Variants in HPSE observed in about 807,000 individuals in gnomAD.
HPSE encodes the protein endo-glucoronidase.
Under a neutral mutation model 65.1 loss-of-function variants are expected in HPSE, and 48 were observed. The ratio of observed to expected loss-of-function variants is 0.74; its 90% confidence interval spans 0.58 to 0.94. The LOEUF (loss-of-function observed/expected upper bound fraction) is 0.94, where lower values mean the gene tolerates loss of function less well. HPSE is among the 40% of genes least tolerant of loss of function. The pLI, the probability that HPSE is intolerant of heterozygous loss-of-function variation, is 0.00. For synonymous variants in HPSE, 243 were observed against 260.0 expected, an observed-to-expected ratio of 0.93 and a Z score of 0.63; for missense variants, 644 against 637.5, an observed-to-expected ratio of 1.01 and a Z score of -0.11.
At chr4:83,300,891 A>G (rs1293900970) in intron 11 of HPSE, 69 bp downstream of exon 11, 1 of 1,019,952 alleles carries the variant, frequency 9.8e-7, no homozygotes, top group Non-Finnish European at 1.4e-6. Context: ...CTCCCTGTCC[A>G]AACTCTCTAT....
chr4:83,311,224 G>T (rs1324292958), intron 4 of HPSE, among the ~76,000 whole-genome samples: 1 of 152,090 alleles, frequency 6.6e-6, no homozygotes, highest in Non-Finnish European at 1.5e-5. Context: ...AGGATCACTT[G>T]AGCCCAGAAG....
At chr4:83,323,655 A>G (rs1035746167) in intron 1 of HPSE, among the ~76,000 whole-genome samples, 4 of 152,182 alleles carry the variant, frequency 2.6e-5, no homozygotes, top group Non-Finnish European at 5.9e-5. Flanking sequence ...CCACCAAGGA[A>G]AATCATTCTT....
chr4:83,300,926 T>A, intron 11 of HPSE, 34 bp downstream of exon 11: 2 of 1,464,854 alleles, frequency 1.4e-6, no homozygotes, highest in South Asian at 1.3e-5. Flanking sequence ...ATAAATTTAT[T>A]GAAAGTTTGG....
chr4:83,334,970 T>C, upstream of HPSE: 1 of 925,988 alleles, frequency 1.1e-6, no homozygotes, highest in Non-Finnish European at 1.5e-6. Flanking sequence ...CTGCTCCCAA[T>C]CCAACCCCGC....
At chr4:83,312,634 C>T (rs558921712) in intron 4 of HPSE, among the ~76,000 whole-genome samples, 65 of 140,012 alleles carry the variant, frequency 4.6e-4, no homozygotes, top group Admixed American at 8.3e-4. Flanking sequence ...GCCGAGATGG[C>T]GCCACTGCAC....
At chr4:83,316,799 C>T (rs781248817) in intron 3 of HPSE, among the ~76,000 whole-genome samples, 2 of 152,232 alleles carry the variant, frequency 1.3e-5, no homozygotes, top group African/African-American at 2.4e-5. Context: ...TCATCTTCTA[C>T]TTAAGTGGAA....
At chr4:83,306,148 T>A in intron 9 of HPSE, 55 bp downstream of exon 9, 1 of 1,003,338 alleles carries the variant, frequency 1.0e-6, no homozygotes, top group Non-Finnish European at 1.6e-6. Flanking sequence ...ACACCAGAGG[T>A]CCTGAGTTGA....
chr4:83,320,343 T>C (rs920595509), intron 2 of HPSE, among the ~76,000 whole-genome samples: 3 of 152,138 alleles, frequency 2.0e-5, no homozygotes, highest in Non-Finnish European at 4.4e-5. Context: ...GGCAGATGGA[T>C]AGCTTGAGCT....
intron 7 of HPSE, 78 bp from the exon 8 acceptor site, chr4:83,309,029 G>T: frequency 8.9e-7 from 1 of 1,126,960 alleles, no homozygotes; most frequent in Non-Finnish European, 1.3e-6. Flanking sequence ...AAGATTAACA[G>T]CATTCAAAAC....
intron 1 of HPSE, among the ~76,000 whole-genome samples, chr4:83,328,736 T>A (rs1472451404): frequency 6.7e-6 from 1 of 149,868 alleles, no homozygotes; most frequent in Non-Finnish European, 1.5e-5. Context: ...GAGGAGGTAA[T>A]TGAGATGGGA....
intron 8 of HPSE, among the ~76,000 whole-genome samples, chr4:83,308,268 T>C (rs1467007808): frequency 6.6e-6 from 1 of 152,088 alleles, no homozygotes; most frequent in Admixed American, 6.6e-5. Context: ...ATTAGCCCAG[T>C]GCGGTGATAC....
Position 83,302,223 on chromosome 4 carries a change from C to A in HPSE, c.1252G>T (p.Val418Leu). 6.2e-7 allele frequency: 1 copy of A among 1,613,954 alleles called. No individual in the cohort carries two copies. Among genetic ancestry groups the A allele is most frequent in the Non-Finnish European group, 8.5e-7 (1 of 1,179,900 alleles). ...LLFKKLVGTK[V>L]LMASVQGSKR... is the part of the protein sequence containing the mutation. ...GAACCTTGCACGCTTGCCATTAACA[C>A]CTTGGTGCCCACCAATTTCTTGAAC... The change falls in exon 10 of 12, where the codon GTG (valine) becomes TTG (leucine). Residue 418 changes from valine to leucine, a missense_variant. Physicochemically the swap from Val to Leu is conservative, Grantham distance 32 (BLOSUM62 1). Transcript: ENST00000311412.
At chr4:83,334,926 C>G, upstream of HPSE, 1 of 1,301,958 alleles carries the variant, frequency 7.7e-7, no homozygotes. Context: ...ACTGCGCCCT[C>G]CATCCCTCCC....
At chr4:83,295,615 C>A in intron 11 of HPSE, 112 bp from the exon 12 acceptor site, 2 of 718,816 alleles carry the variant, frequency 2.8e-6, no homozygotes, top group Non-Finnish European at 4.4e-6. Flanking sequence ...TTGTGGCAGC[C>A]TATATTATAT....
Position 83,310,076 on chromosome 4 carries a change from A to G in HPSE, c.845T>C (p.Phe282Ser), listed in dbSNP as rs1173281242. Reference protein sequence around the residue: ...RRKTAKMLKSFLKAGGEVIDS... With the variant: ...RRKTAKMLKSSLKAGGEVIDS... ...AATCACTTCTCCACCAGCCTTCAGGAAGCTAGAAAAAAAATTTTATTATCA... is the reference window on the plus strand; with the variant it reads ...AATCACTTCTCCACCAGCCTTCAGGGAGCTAGAAAAAAAATTTTATTATCA... Residue 282 changes from phenylalanine (F) to serine (S), a missense_variant and splice_region_variant, in exon 6 of 12, where the codon TTC (phenylalanine) becomes TCC (serine). Phe to Ser is a radical substitution (Grantham distance 155). Transcript: ENST00000311412. 1 of 1,608,608 alleles carries G rather than the reference A, an allele frequency of 6.2e-7. No individual in the cohort carries two copies. The highest frequency in any genetic ancestry group is 8.5e-7 in the Non-Finnish European group (1 of 1,175,902).
intron 3 of HPSE, 128 bp downstream of exon 3, chr4:83,319,216 T>G: frequency 2.2e-6 from 2 of 922,388 alleles, no homozygotes; most frequent in Non-Finnish European, 3.3e-6. Flanking sequence ...GGATTTCCCA[T>G]TTGGGAAATG....
intron 11 of HPSE, among the ~76,000 whole-genome samples, chr4:83,299,310 G>T (rs992217969): frequency 7.3e-6 from 1 of 137,498 alleles, no homozygotes; most frequent in African/African-American, 2.7e-5. Context: ...GTTGCAGTGA[G>T]CCTAGATCAT....
chr4:83,308,663 C>G (rs1736242527), intron 8 of HPSE, among the ~76,000 whole-genome samples, 182 bp downstream of exon 8: 1 of 152,214 alleles, frequency 6.6e-6, no homozygotes, highest in Non-Finnish European at 1.5e-5. Flanking sequence ...ATTTGGAACA[C>G]TTGTTAAAGA....
intron 1 of HPSE, among the ~76,000 whole-genome samples, chr4:83,325,550 T>C (rs1737117596): frequency 6.6e-6 from 1 of 152,214 alleles, no homozygotes; most frequent in Non-Finnish European, 1.5e-5. Context: ...AAATATTTGT[T>C]GCAGGCTGAC....
Sources: gnomAD v4.1 joint callset for allele counts (sites outside exome capture counted in the v4.1 genomes callset) on GRCh38, gnomAD v4.1.1 for gene constraint, MANE v1.5 for transcripts, NCBI Gene and HGNC (gene_info 2026-07-23, HGNC 2026-07-21) for gene names.